Variants in FSTL4 observed in about 807,000 individuals in gnomAD.
FSTL4 encodes the protein follistatin-related protein 4.
Under a neutral mutation model 78.2 loss-of-function variants are expected in FSTL4, and 28 were observed. The ratio of observed to expected loss-of-function variants is 0.36; its 90% CI spans 0.27 to 0.49. The LOEUF (loss-of-function observed/expected upper bound fraction) is 0.49, where lower values mean the gene tolerates loss of function less well. Among genes scored for constraint, FSTL4 ranks in the 20% least tolerant of loss-of-function variants. FSTL4 has a pLI of 0.98. For missense variants in FSTL4, 922 were observed against 1,084.9 expected, an observed-to-expected ratio of 0.85 and a Z score of 2.11; for synonymous variants, 422 against 440.5, an observed-to-expected ratio of 0.96 and a Z score of 0.53.
chr5:133,641,655 T>TATAG, the FSTL4 span, among the ~76,000 whole-genome samples: 1 of 152,186 alleles, frequency 6.6e-6, no homozygotes, highest in Non-Finnish European at 1.5e-5. Flanking sequence ...ATAGTATGGC[T>TATAG]TTTAGTAGCA....
At chr5:133,649,415 T>A in the FSTL4 span, among the ~76,000 whole-genome samples, 1 of 152,322 alleles carries the variant, frequency 6.6e-6, no homozygotes, top group East Asian at 1.9e-4. Flanking sequence ...AAAGTTTTTT[T>A]AAAAAAGATA....
At position 133,560,282 on chromosome 5, in the gene FSTL4, C is replaced by G. The variant is rs188673786; in HGVS notation, c.160+6904G>C. Among the ~76,000 whole-genome samples, 301 of 152,338 alleles carry G rather than the reference C, an allele frequency of 2.0e-3. 4 individuals are homozygous for G. The highest frequency in any genetic ancestry group is 1.5e-3 in the Non-Finnish European group (103 of 68,028). ...TGCTGCCTCCAATCCCTGGAGAGAG[C>G]TGAGCTCAGCCAGAGGATGGGATGG... On this transcript the variant is annotated intron_variant, in intron 3 of 15. Transcript: ENST00000265342.
At chr5:133,804,519 C>T in the FSTL4 span, among the ~76,000 whole-genome samples, 43 of 152,306 alleles carry the variant, frequency 2.8e-4, no homozygotes, top group Non-Finnish European at 3.8e-4. Flanking sequence ...GACCCCTAAA[C>T]ATTGAAAAGG....
the FSTL4 span, among the ~76,000 whole-genome samples, chr5:133,659,694 T>A: frequency 1.3e-4 from 20 of 151,844 alleles, no homozygotes; most frequent in Non-Finnish European, 4.4e-5. Flanking sequence ...TCTTCCCCTT[T>A]CCTTTCTTAT....
At chr5:133,555,495 A>G (rs1271450954) in intron 3 of FSTL4, among the ~76,000 whole-genome samples, 1 of 152,182 alleles carries the variant, frequency 6.6e-6, no homozygotes, top group African/African-American at 2.4e-5. Context: ...CACTCTTCCC[A>G]ACTCACAGGC....
At chr5:133,313,778 T>C (rs149810769) in intron 5 of FSTL4, among the ~76,000 whole-genome samples, 4 of 152,214 alleles carry the variant, frequency 2.6e-5, no homozygotes, top group Non-Finnish European at 5.9e-5. Flanking sequence ...AGATCAACCA[T>C]AATGCCTGAG....
At chr5:133,817,694 G>C in the FSTL4 span, among the ~76,000 whole-genome samples, 3 of 152,180 alleles carry the variant, frequency 2.0e-5, no homozygotes, top group African/African-American at 7.2e-5. Context: ...ACCTCCCATG[G>C]GCAGAACTTG....
chr5:133,499,159 A>C (rs889490633), intron 3 of FSTL4, among the ~76,000 whole-genome samples: 1 of 152,160 alleles, frequency 6.6e-6, no homozygotes, highest in South Asian at 2.1e-4. Context: ...AATTCTTCTC[A>C]TGACCATGTT....
the FSTL4 span, among the ~76,000 whole-genome samples, chr5:133,787,357 C>T: frequency 1.6e-4 from 25 of 152,304 alleles, no homozygotes; most frequent in African/African-American, 6.0e-4. Flanking sequence ...TGGAACCCAG[C>T]CTGCCTGGGT....
At chr5:133,545,338 C>T (rs868383832) in intron 3 of FSTL4, among the ~76,000 whole-genome samples, 6 of 152,138 alleles carry the variant, frequency 3.9e-5, no homozygotes, top group South Asian at 4.1e-4. Flanking sequence ...GATTAATTCT[C>T]GAGGAAGTGA....
the FSTL4 span, among the ~76,000 whole-genome samples, chr5:133,779,919 G>A: frequency 6.6e-6 from 1 of 152,190 alleles, no homozygotes; most frequent in African/African-American, 2.4e-5. Flanking sequence ...CCAGAAGGGA[G>A]GTGAGCAAGA....
intron 4 of FSTL4, among the ~76,000 whole-genome samples, chr5:133,342,809 CA>C (rs1260822644): frequency 6.6e-6 from 1 of 152,214 alleles, no homozygotes; most frequent in East Asian, 1.9e-4. Context: ...TCGATTTGTG[CA>C]TACCCCCTTG....
the FSTL4 span, among the ~76,000 whole-genome samples, chr5:133,618,743 A>G: frequency 6.6e-6 from 1 of 152,252 alleles, no homozygotes; most frequent in Non-Finnish European, 1.5e-5. Flanking sequence ...TGGCAGAGCT[A>G]GGATTTGACT....
In FSTL4 at chr5:133,199,259, C is replaced by T; in HGVS notation, c.2365G>A (p.Gly789Arg). The change falls in exon 16 of 16, where the codon GGG becomes AGG. Residue 789 changes from glycine (G) to arginine (R), a missense_variant. Physicochemically the swap from Gly to Arg is moderately radical, Grantham distance 125. Coordinates refer to ENST00000265342, the MANE Select transcript of FSTL4 (RefSeq NM_015082.2). This position sits in a 1 kb window ranked among gnomAD's most constrained non-coding sequence, Gnocchi z 4.4. Reference protein sequence around the residue: ...EPPAGPAQPWGGTHRIMRDSG... With the variant: ...EPPAGPAQPWRGTHRIMRDSG... ...TCCCTCATGATTCTGTGGGTACCCC[C>T]CCAGGGCTGAGCTGGCCCTGCGGGT... 4 of 1,613,970 alleles carry T rather than the reference C, an allele frequency of 2.5e-6. No individual in the cohort carries two copies. The highest frequency in any genetic ancestry group is 3.4e-6 in the Non-Finnish European group (4 of 1,179,844).
At chr5:133,399,819 A>T (rs896344834) in intron 4 of FSTL4, among the ~76,000 whole-genome samples, 1 of 152,210 alleles carries the variant, frequency 6.6e-6, no homozygotes, top group South Asian at 2.1e-4. Flanking sequence ...AGCTCAGGCT[A>T]TGTGGGCCTG....
rs1459407059 is a variant in FSTL4 at position 133,236,773 on chromosome 5, G to A, written c.895-3236C>T. ...GGCTGTCTGTCTGTCTCCCTCTCCT[G>A]CAAGTCTGCTCCAACCTTGTCTGGC... On this transcript the variant is annotated intron_variant, in intron 7 of 15. Transcript: ENST00000265342. This position sits in a 1 kb window ranked among gnomAD's most constrained non-coding sequence, Gnocchi z 5.0. 6.6e-6 allele frequency among the ~76,000 whole-genome samples: 1 copy of A among 152,160 alleles called. No individual in the cohort carries two copies.
chr5:133,426,946 C>T lies in FSTL4; in HGVS notation c.161-25960G>A, dbSNP rs1352718508. Among the ~76,000 whole-genome samples the T allele has an allele frequency of 2.0e-5, 3 of 152,222 alleles. No individual in the cohort carries two copies. The highest frequency in any genetic ancestry group is 2.1e-4 in the South Asian group (1 of 4,822). On this transcript the variant is annotated intron_variant, in intron 3 of 15. Transcript: ENST00000265342. This position sits in a 1 kb window ranked among gnomAD's most constrained non-coding sequence, Gnocchi z 5.0. The stretch of plus-strand genomic sequence containing the variant: ...AGCATGTCTTATGTTCTCAGTGTTC[C>T]GTCTCTCAAATGCCCAACGGCCCAG...
chr5:133,300,982 C>T (rs1753525900), intron 6 of FSTL4, among the ~76,000 whole-genome samples: 1 of 152,174 alleles, frequency 6.6e-6, no homozygotes, highest in African/African-American at 2.4e-5. Context: ...GGACAGTAAT[C>T]CTGCTCCTTT....
At chr5:133,535,551 T>C (rs1182166746) in intron 3 of FSTL4, among the ~76,000 whole-genome samples, 4 of 152,250 alleles carry the variant, frequency 2.6e-5, no homozygotes, top group African/African-American at 7.2e-5. Context: ...ATAGAAACCA[T>C]GCTAATGACT....
Sources: allele counts gnomAD v4.1 joint callset (sites outside exome capture counted in the v4.1 genomes callset), GRCh38; gene constraint gnomAD v4.1.1; non-coding constraint Gnocchi (gnomAD v3.1); transcripts MANE v1.5; gene names NCBI Gene and HGNC (gene_info 2026-07-23, HGNC 2026-07-21).